EEF2K: variants seen among roughly 807,000 people sequenced by gnomAD.
The protein encoded by EEF2K is eukaryotic elongation factor 2 kinase.
In EEF2K, 70 loss-of-function variants were observed where a neutral mutation model predicts 93.8. The observed-to-expected ratio is 0.75, with a 90% CI of 0.62 to 0.91. EEF2K has a LOEUF of 0.91. EEF2K is among the 40% of genes least tolerant of loss of function. EEF2K has a pLI of 0.00. For synonymous variants in EEF2K, 376 were observed against 380.8 expected, an observed-to-expected ratio of 0.99 and a Z score of 0.15; for missense variants, 935 against 972.9, an observed-to-expected ratio of 0.96 and a Z score of 0.52.
At chr16:22,277,663 A>AT (rs1598208118) in intron 16 of EEF2K, among the ~76,000 whole-genome samples, 2 of 152,258 alleles carry the variant, frequency 1.3e-5, no homozygotes, top group East Asian at 3.9e-4. Context: ...AGAATTAAAG[A>AT]TTTTGGTAGT....
intron 1 of EEF2K, among the ~76,000 whole-genome samples, chr16:22,225,024 A>G (rs546371164): frequency 6.6e-6 from 1 of 152,210 alleles, no homozygotes; most frequent in Admixed American, 6.5e-5. Flanking sequence ...TTGGATATGC[A>G]TGTTGGGTTA....
intron 16 of EEF2K, among the ~76,000 whole-genome samples, chr16:22,275,346 T>TA (rs1407055981): frequency 1.3e-5 from 2 of 151,654 alleles, no homozygotes; most frequent in East Asian, 3.8e-4. Context: ...ATTATTTATT[T>TA]ATTTATTTAT....
At chr16:22,246,589 A>G (rs928103720) in intron 3 of EEF2K, among the ~76,000 whole-genome samples, 6 of 151,726 alleles carry the variant, frequency 4.0e-5, no homozygotes, top group Non-Finnish European at 5.9e-5. Context: ...ATGCCAGGAA[A>G]TGGAATCTAA....
chr16:22,218,936 T>TAAAAAAAAA (rs11370005), intron 1 of EEF2K, among the ~76,000 whole-genome samples: 3 of 111,972 alleles, frequency 2.7e-5, no homozygotes, highest in South Asian at 2.7e-4. Context: ...ACAAAAAAAT[T>TAAAAAAAAA]AAAAAAAAAA....
At chr16:22,237,241 G>A (rs1350814686) in intron 2 of EEF2K, among the ~76,000 whole-genome samples, 1 of 147,712 alleles carries the variant, frequency 6.8e-6, no homozygotes, top group Non-Finnish European at 1.5e-5. Flanking sequence ...CACCACACCC[G>A]GCCCATAGCC....
chr16:22,230,618 C>A (rs2047105903), intron 2 of EEF2K, among the ~76,000 whole-genome samples: 1 of 152,032 alleles, frequency 6.6e-6, no homozygotes, highest in Non-Finnish European at 1.5e-5. Flanking sequence ...AACTCCTGAG[C>A]TCAAGCAATC....
chr16:22,262,353 T>C (rs2047474166), intron 11 of EEF2K, among the ~76,000 whole-genome samples: 1 of 152,026 alleles, frequency 6.6e-6, no homozygotes, highest in Non-Finnish European at 1.5e-5. Flanking sequence ...CTACTAAAAA[T>C]ACAAAAATTA....
At chr16:22,278,459 G>T (rs2047661282) in intron 16 of EEF2K, among the ~76,000 whole-genome samples, 1 of 152,100 alleles carries the variant, frequency 6.6e-6, no homozygotes. Flanking sequence ...CCAAGGTGAG[G>T]GAACAGCGGG....
intron 3 of EEF2K, among the ~76,000 whole-genome samples, chr16:22,245,355 C>T (rs998322793): frequency 2.0e-5 from 3 of 152,168 alleles, no homozygotes; most frequent in South Asian, 2.1e-4. Flanking sequence ...AGTAGACCCA[C>T]GCACTTCAAA....
chr16:22,233,377 T>C (rs550863850), intron 2 of EEF2K, among the ~76,000 whole-genome samples: 1 of 152,174 alleles, frequency 6.6e-6, no homozygotes, highest in Non-Finnish European at 1.5e-5. Context: ...TGGGAAATTT[T>C]ATTTTTAAAT....
In EEF2K at chr16:22,258,648, C is replaced by T. The variant is rs1278244358; in HGVS notation, c.1184C>T (p.Ser395Phe). 8 of 1,614,100 alleles carry T rather than the reference C, an allele frequency of 5.0e-6. No individual in the cohort carries two copies. Among genetic ancestry groups the T allele is most frequent in the Non-Finnish European group, 6.8e-6 (8 of 1,180,054 alleles). The change falls in exon 10 of 18, where the codon TCT becomes TTT. Residue 395 changes from serine to phenylalanine, a missense_variant. Physicochemically the swap from Ser to Phe is radical, Grantham distance 155. Coordinates refer to ENST00000263026, the MANE Select transcript of EEF2K (RefSeq NM_013302.5). ...GACGTGACCTTCGACTCTCTCCCTTCTTCCCCATCTTCGGCCACACCACAC... is the reference window on the plus strand; with the variant it reads ...GACGTGACCTTCGACTCTCTCCCTTTTTCCCCATCTTCGGCCACACCACAC... ...MSDVTFDSLP[S>F]SPSSATPHSQ...
At chr16:22,251,640 G>A (rs2047353411) in intron 6 of EEF2K, among the ~76,000 whole-genome samples, 1 of 152,058 alleles carries the variant, frequency 6.6e-6, no homozygotes, top group African/African-American at 2.4e-5. Flanking sequence ...GGCCAGGCTG[G>A]TCTCGAACTC....
intron 2 of EEF2K, among the ~76,000 whole-genome samples, chr16:22,230,219 C>CT (rs574550569): frequency 1.5e-3 from 225 of 147,696 alleles, no homozygotes; most frequent in Non-Finnish European, 1.8e-3. Context: ...TTCTTTCCTT[C>CT]TTTTTTTTTT....
intron 15 of EEF2K, among the ~76,000 whole-genome samples, chr16:22,271,531 C>T (rs1346597578): frequency 1.3e-5 from 2 of 151,394 alleles, no homozygotes; most frequent in African/African-American, 4.9e-5. Context: ...TCTACAAACC[C>T]CCCACCCCCA....
At chr16:22,217,004 T>C (rs994927522) in intron 1 of EEF2K, among the ~76,000 whole-genome samples, 3 of 150,766 alleles carry the variant, frequency 2.0e-5, no homozygotes, top group African/African-American at 7.3e-5. Flanking sequence ...AACAAAAATA[T>C]ACAAAAATTA....
At chr16:22,270,244 G>A (rs1322588293) in intron 15 of EEF2K, among the ~76,000 whole-genome samples, 1 of 151,640 alleles carries the variant, frequency 6.6e-6, no homozygotes, top group African/African-American at 2.4e-5. Context: ...TTGGCTCCCC[G>A]AGTAGCTGGT....
chr16:22,258,387 A>C, intron 9 of EEF2K, 107 bp from the exon 10 acceptor site: 3 of 1,159,770 alleles, frequency 2.6e-6, no homozygotes, highest in Non-Finnish European at 3.7e-6. Flanking sequence ...AGGCATGTTT[A>C]GGAGCTGTGG....
chr16:22,253,106 T>G (rs7201033), intron 6 of EEF2K, among the ~76,000 whole-genome samples: 150,684 of 152,284 alleles, frequency 0.99, 74,599 homozygotes, highest in Non-Finnish European at 1. Flanking sequence ...GGCAGAGCTG[T>G]AGCCAGGTCT....
At chr16:22,217,440 T>A (rs1232558449) in intron 1 of EEF2K, among the ~76,000 whole-genome samples, 2 of 152,030 alleles carry the variant, frequency 1.3e-5, no homozygotes, top group Non-Finnish European at 2.9e-5. Flanking sequence ...TAATATACAA[T>A]GGCCCAAACC....
Sources: allele counts gnomAD v4.1 joint callset (sites outside exome capture counted in the v4.1 genomes callset), GRCh38; gene constraint gnomAD v4.1.1; transcripts MANE v1.5; gene names NCBI Gene and HGNC (gene_info 2026-07-23, HGNC 2026-07-21).